LAMA1: variants seen among roughly 807,000 people sequenced by gnomAD.
The protein encoded by LAMA1 is laminin subunit alpha-1.
Under a neutral mutation model 348.7 loss-of-function variants are expected in LAMA1, and 219 were observed. The ratio of observed to expected loss-of-function variants is 0.63; its 90% CI spans 0.56 to 0.70. LAMA1 has a LOEUF of 0.70. Ranked by LOEUF, LAMA1 falls within the 30% of genes least tolerant of loss-of-function variation. The pLI is 0.00. For synonymous variants in LAMA1, 1,487 were observed against 1,491.0 expected, an observed-to-expected ratio of 1.00 and a Z score of 0.06; for missense variants, 3,744 against 3,888.0, an observed-to-expected ratio of 0.96 and a Z score of 0.99.
intron 25 of LAMA1, 131 bp downstream of exon 25, chr18:7,011,169 G>T: frequency 3.0e-6 from 3 of 1,014,028 alleles, no homozygotes; most frequent in African/African-American, 1.6e-5. Context: ...AAACTTCTCT[G>T]ATCCCACTTA....
chr18:7,049,675 T>A (rs570266227), intron 4 of LAMA1, among the ~76,000 whole-genome samples: 4 of 152,166 alleles, frequency 2.6e-5, no homozygotes, highest in African/African-American at 7.2e-5. Context: ...AGAGATACCA[T>A]CTAAAATCAA....
At chr18:6,958,365 G>A in intron 55 of LAMA1, 112 bp downstream of exon 55, 1 of 1,176,490 alleles carries the variant, frequency 8.5e-7, no homozygotes, top group Admixed American at 1.8e-5. Context: ...CATTATTTGG[G>A]AATTTGCAAA....
At chr18:6,971,141 T>C (rs574803160) in intron 48 of LAMA1, among the ~76,000 whole-genome samples, 344 of 152,342 alleles carry the variant, frequency 2.3e-3, no homozygotes, top group Middle Eastern at 0.014. Flanking sequence ...AAGCAATTTA[T>C]GTCTTAATTA....
At chr18:7,064,986 A>T (rs567291950) in intron 3 of LAMA1, among the ~76,000 whole-genome samples, 1 of 152,280 alleles carries the variant, frequency 6.6e-6, no homozygotes, top group Non-Finnish European at 1.5e-5. Context: ...CTGTAATCCC[A>T]GCACTTTGGG....
At chr18:7,089,735 C>G (rs1473676721) in intron 1 of LAMA1, among the ~76,000 whole-genome samples, 2 of 152,176 alleles carry the variant, frequency 1.3e-5, no homozygotes, top group Admixed American at 1.3e-4. Context: ...GATGCTCCAG[C>G]ACGTTTTCAG....
chr18:7,017,000 AT>A (rs2057891471), intron 20 of LAMA1, among the ~76,000 whole-genome samples: 1 of 152,140 alleles, frequency 6.6e-6, no homozygotes, highest in Non-Finnish European at 1.5e-5. Context: ...AGATCTGATG[AT>A]TTTATAAGTG....
chr18:7,117,601 G>GCCGCCC, intron 1 of LAMA1, 59 bp downstream of exon 1: 1 of 1,548,902 alleles, frequency 6.5e-7, no homozygotes, highest in Non-Finnish European at 8.7e-7. Flanking sequence ...TTTGTCCGCG[G>GCCGCCC]CCGCCCCCGC....
Position 7,074,967 on chromosome 18 carries a change from C to CAAAAAAAAAAAAAAAAAAAAAAAAAA in LAMA1, c.345+4982_345+5007dup, listed in dbSNP as rs773818069. Among the ~76,000 whole-genome samples the CAAAAAAAAAAAAAAAAAAAAAAAAAA allele has an allele frequency of 7.7e-5, 4 of 52,258 alleles. 1 individual carries two copies. The highest frequency in any genetic ancestry group is 1.3e-4 in the Non-Finnish European group (4 of 30,298). The allele number at this position is 52,258 out of a possible 152,430, so 34.3% of individuals were successfully genotyped here. On this transcript the variant is annotated intron_variant, in intron 3 of 62. Transcript: ENST00000389658. The stretch of plus-strand genomic sequence containing the variant: ...GATAACCAAACCTAATACATAGAGG[C>CAAAAAAAAAAAAAAAAAAAAAAAAAA]AAAAAAAAAAAAAAAAAAAAAAAAA...
intron 48 of LAMA1, among the ~76,000 whole-genome samples, chr18:6,971,074 G>C (rs1042527653): frequency 1.3e-5 from 2 of 152,216 alleles, no homozygotes; most frequent in African/African-American, 4.8e-5. Flanking sequence ...CATCTGGACA[G>C]AGCAGCCCAT....
Position 7,024,464 on chromosome 18 carries a change from A to AC in LAMA1, c.2404_2405insG (p.Phe802CysfsTer9). 6.2e-7 allele frequency: 1 copy of AC among 1,613,286 alleles called. No homozygotes were observed. The highest frequency in any genetic ancestry group is 8.5e-7 in the Non-Finnish European group (1 of 1,179,466). On this transcript the variant is annotated frameshift_variant and splice_region_variant, in exon 18 of 63. Coordinates refer to ENST00000389658, the MANE Select transcript of LAMA1 (RefSeq NM_005559.4). LOFTEE classifies it high-confidence loss of function. Reference sequence around the variant, plus strand: ...ATCATTGAGGTGGCAGGTGGGGCTGAAACTGTCAAAACATTAGAAATGAAC... The same window carrying AC: ...ATCATTGAGGTGGCAGGTGGGGCTGACAACTGTCAAAACATTAGAAATGAAC...
intron 48 of LAMA1, among the ~76,000 whole-genome samples, chr18:6,970,908 C>T (rs113613941): frequency 0.036 from 5,476 of 152,202 alleles, 203 homozygotes; most frequent in African/African-American, 0.092. Flanking sequence ...CCACCATGAC[C>T]GCCTGGTCCT....
chr18:7,014,179 T>G, intron 22 of LAMA1, 128 bp from the exon 23 acceptor site: 1 of 789,870 alleles, frequency 1.3e-6, no homozygotes, highest in South Asian at 1.5e-5. Flanking sequence ...TCTCTTGCTA[T>G]TGCTGCATGG....
intron 29 of LAMA1, among the ~76,000 whole-genome samples, chr18:7,006,160 A>G (rs56682700): frequency 0.081 from 12,275 of 152,218 alleles, 559 homozygotes; most frequent in African/African-American, 0.1. Flanking sequence ...TTATTTTGTT[A>G]TCTGCCTCAT....
At chr18:6,975,495 G>A (rs926409280) in intron 45 of LAMA1, among the ~76,000 whole-genome samples, 2 of 152,170 alleles carry the variant, frequency 1.3e-5, no homozygotes, top group African/African-American at 4.8e-5. Flanking sequence ...TACTATATGT[G>A]CCCGTTAACA....
chr18:6,974,989 C>T lies in LAMA1; in HGVS notation c.6537G>A (p.Leu2179=). ...VEMRRGRVAF[L]WDLGSGSTRL... ...GTGTGGACCCGGAGCCCAGGTCCCA[C>T]AGGAAGGCCACTCTCCCTCGCCGCA... is the stretch of plus-strand genomic sequence containing the variant. The change falls in exon 46 of 63, where the codon CTG becomes CTA. Residue 2179 remains leucine, a synonymous_variant. Transcript: ENST00000389658. 6.2e-7 allele frequency: 1 copy of T among 1,614,058 alleles called. No individual in the cohort carries two copies. Among genetic ancestry groups the T allele is most frequent in the Non-Finnish European group, 8.5e-7 (1 of 1,180,020 alleles).
intron 1 of LAMA1, among the ~76,000 whole-genome samples, chr18:7,091,562 C>G (rs1262916185): frequency 6.6e-6 from 1 of 152,200 alleles, no homozygotes; most frequent in Non-Finnish European, 1.5e-5. Flanking sequence ...TTTCTTCTGC[C>G]ACTTCTGCAC....
chr18:6,962,145 G>T, intron 51 of LAMA1, 86 bp from the exon 52 acceptor site: 14 of 884,552 alleles, frequency 1.6e-5, no homozygotes, highest in Non-Finnish European at 2.7e-5. Context: ...CACTGGGCAA[G>T]GCACAGTGGC....
At chr18:7,011,721 G>A (rs919652418) in intron 24 of LAMA1, among the ~76,000 whole-genome samples, 2 of 152,144 alleles carry the variant, frequency 1.3e-5, no homozygotes, top group Admixed American at 6.6e-5. Context: ...TGCAGAAGAC[G>A]GCTGAGATTT....
chr18:7,045,406 G>C (rs910089504), intron 6 of LAMA1, among the ~76,000 whole-genome samples: 1 of 152,026 alleles, frequency 6.6e-6, no homozygotes, highest in Non-Finnish European at 1.5e-5. Flanking sequence ...GGATGCGGAG[G>C]TTGCAGTGAG....
Sources: allele counts gnomAD v4.1 joint callset (sites outside exome capture counted in the v4.1 genomes callset), GRCh38; gene constraint gnomAD v4.1.1; transcripts MANE v1.5; gene names NCBI Gene and HGNC (gene_info 2026-07-23, HGNC 2026-07-21).